The following NUTM1 variants were observed in gnomAD, a reference collection of about 807,000 sequenced individuals.
NUTM1 encodes the protein NUT midline carcinoma family member 1.
In NUTM1, 39 loss-of-function variants were observed where a neutral mutation model predicts 88.7. The ratio of observed to expected loss-of-function variants is 0.44; its 90% CI spans 0.34 to 0.57. The LOEUF (loss-of-function observed/expected upper bound fraction) is 0.57, where lower values mean the gene tolerates loss of function less well. Among genes scored for constraint, NUTM1 ranks in the 20% least tolerant of loss-of-function variants. The pLI, the probability that NUTM1 is intolerant of heterozygous loss-of-function variation, is 0.01. For missense variants in NUTM1, 1,350 were observed against 1,414.5 expected, an observed-to-expected ratio of 0.95 and a Z score of 0.73; for synonymous variants, 494 against 538.0, an observed-to-expected ratio of 0.92 and a Z score of 1.13.
chr15:34,356,765 T>C lies in NUTM1; in HGVS notation c.2757T>C (p.Phe919=), dbSNP rs939149058. The C allele has an allele frequency of 1.2e-6, 2 of 1,612,336 alleles. No homozygotes were observed. The highest frequency in any genetic ancestry group is 2.7e-5 in the African/African-American group (2 of 74,378). ...AGGCAGGGAGCAGAGGCAATTCCTT[T>C]TCTCCTCTGTTGGAAACCATAGAAC... The part of the protein sequence containing the change: ...SQEAGSRGNS[F]SPLLETIEPV... The change falls in exon 8 of 8, where the codon TTT becomes TTC. Residue 919 remains phenylalanine (F), a synonymous_variant. Transcript: ENST00000537011.
intron 6 of NUTM1, 83 bp downstream of exon 6, chr15:34,354,815 T>C: frequency 7.3e-7 from 1 of 1,373,192 alleles, no homozygotes; most frequent in Non-Finnish European, 1.0e-6. Context: ...GTTTGTCCAA[T>C]GCAGTAGGAC....
chr15:34,355,909 C>G lies in NUTM1; in HGVS notation c.1901C>G (p.Pro634Arg), dbSNP rs1466299143. The change falls in exon 8 of 8, where the codon CCT (proline) becomes CGT (arginine). Residue 634 changes from proline (P) to arginine (R), a missense_variant. Pro to Arg is a moderately radical substitution (Grantham distance 103). Coordinates refer to ENST00000537011, the MANE Select transcript of NUTM1 (RefSeq NM_001284292.2). This position sits in a 1 kb window ranked among gnomAD's most constrained non-coding sequence, Gnocchi z 4.3. ...GATGGCCATCTAGGAGGCGCTGGGC[C>G]TCCTGGGCACTGCCTGGTGGCTGAT... is the stretch of plus-strand genomic sequence containing the variant. ...HQDGHLGGAGPPGHCLVADRT... is the reference protein window; with the variant it reads ...HQDGHLGGAGRPGHCLVADRT... The G allele has an allele frequency of 4.3e-6, 7 of 1,613,952 alleles. No individual in the cohort carries two copies. Among genetic ancestry groups the G allele is most frequent in the South Asian group, 1.1e-5 (1 of 91,084 alleles).
At chr15:34,354,078 A>G (rs1890755925) in intron 5 of NUTM1, among the ~76,000 whole-genome samples, 1 of 152,064 alleles carries the variant, frequency 6.6e-6, no homozygotes, top group African/African-American at 2.4e-5. Flanking sequence ...ATCTTGGTGA[A>G]GTAAACTGAC....
chr15:34,356,625 G>C lies in NUTM1; in HGVS notation c.2617G>C (p.Glu873Gln). Residue 873 changes from glutamate (E) to glutamine (Q), a missense_variant, in exon 8 of 8, where the codon GAA (glutamate) becomes CAA (glutamine). By Grantham distance (29) the Glu-to-Gln change is conservative. Around this residue, in one of 5 missense-constraint regions of NUTM1, gnomAD observed 730 missense variants for 728.8 expected, o/e 1.00. Transcript: ENST00000537011. ...GGCAGAAGGTTGCTTCCCATTGCTA[G>C]AAAGTGGTGATTCCACACTGGGGTC... ...LWAEGCFPLL[E>Q]SGDSTLGSSK... 2 of 1,613,966 alleles carry C rather than the reference G, an allele frequency of 1.2e-6. No individual in the cohort carries two copies. Among genetic ancestry groups the C allele is most frequent in the Non-Finnish European group, 1.7e-6 (2 of 1,179,992 alleles).
intron 4 of NUTM1, among the ~76,000 whole-genome samples, chr15:34,351,391 A>AAAAAG (rs1042647232): frequency 1.3e-5 from 2 of 151,452 alleles, no homozygotes; most frequent in Non-Finnish European, 2.9e-5. Flanking sequence ...CAAAAAAAAA[A>AAAAAG]AAAAGAAAAG....
intron 2 of NUTM1, 137 bp from the exon 3 acceptor site, chr15:34,347,832 G>A (rs201606656): frequency 3.7e-5 from 18 of 487,670 alleles, no homozygotes; most frequent in Non-Finnish European, 5.8e-5. Flanking sequence ...CAGCCTGGGC[G>A]ACAGAGCGAG....
chr15:34,351,245 A>G (rs1174079825), intron 4 of NUTM1, among the ~76,000 whole-genome samples: 2 of 142,700 alleles, frequency 1.4e-5, no homozygotes, highest in Admixed American at 6.9e-5. Context: ...AAAAAAAAAA[A>G]AAAAAAAAAA....
rs984112727 is a variant in NUTM1, at chr15:34,356,690, C to T, written c.2682C>T (p.Leu894=). 13 of 1,613,620 alleles carry T rather than the reference C, an allele frequency of 8.1e-6. No individual in the cohort carries two copies. Among genetic ancestry groups the T allele is most frequent in the African/African-American group, 1.3e-5 (1 of 74,734 alleles). The change falls in exon 8 of 8, where the codon CTC becomes CTT. Residue 894 remains leucine (L), a synonymous_variant. Coordinates refer to ENST00000537011, the MANE Select transcript of NUTM1 (RefSeq NM_001284292.2). ...TTCCACCCACATGCCAAGGCAATCT[C>T]CTTATCATGGGGACTGAGGATGCCT... ...ETLPPTCQGN[L]LIMGTEDASS...
rs756283905 is a variant in NUTM1, at chr15:34,356,519, G to A, written c.2511G>A (p.Leu837=). 6.2e-7 allele frequency: 1 copy of A among 1,613,984 alleles called. No homozygotes were observed. Among genetic ancestry groups the A allele is most frequent in the Non-Finnish European group, 8.5e-7 (1 of 1,179,966 alleles). ...ACTATTGCAGCTTGCCAGGACCTTT[G>A]AGGGCCAACAGCCCACCCTTGAGGT... ...KRNYCSLPGP[L]RANSPPLRSK... is the part of the protein sequence containing the mutation. The change falls in exon 8 of 8, where the codon TTG becomes TTA. Residue 837 remains leucine (L), a synonymous_variant. Transcript: ENST00000537011.
chr15:34,353,115 G>A (rs958835539), intron 4 of NUTM1, among the ~76,000 whole-genome samples: 2 of 151,754 alleles, frequency 1.3e-5, no homozygotes, highest in Admixed American at 6.6e-5. Flanking sequence ...TCGAACTCCT[G>A]ACCTCATGAT....
chr15:34,350,691 A>C lies in NUTM1; in HGVS notation c.810-13A>C. On this transcript the variant is annotated splice_polypyrimidine_tract_variant and intron_variant, in intron 3 of 7. Coordinates refer to ENST00000537011, the MANE Select transcript of NUTM1 (RefSeq NM_001284292.2). ...ACACTTTTAGAATGTGACTGACTCA[A>C]TGGGGGTTTTAGCCCAGTGCTTCGT... is the stretch of plus-strand genomic sequence containing the variant. 2 of 1,609,778 alleles carry C rather than the reference A, an allele frequency of 1.2e-6. No individual in the cohort carries two copies. The highest frequency in any genetic ancestry group is 1.7e-6 in the Non-Finnish European group (2 of 1,178,990).
rs1048786373 is a variant in NUTM1, at chr15:34,344,739, C to T, written c.6+1037C>T. The stretch of plus-strand genomic sequence containing the variant: ...TACCTGTTAAAAATTTTTTAAAGGC[C>T]GGGCACGGTGGCTCACGCCTAGTAA... On this transcript the variant is annotated intron_variant, in intron 1 of 7. Transcript: ENST00000537011. Among the ~76,000 whole-genome samples the T allele has an allele frequency of 4.0e-5, 6 of 151,760 alleles. No homozygotes were observed. The East Asian group carries it at 1.2e-3, about 29-fold the overall frequency.
chr15:34,344,286 G>A (rs1235205269), intron 1 of NUTM1, among the ~76,000 whole-genome samples: 1 of 151,324 alleles, frequency 6.6e-6, no homozygotes, highest in Non-Finnish European at 1.5e-5. Context: ...GCTGAGACGG[G>A]TGGATCACAA....
chr15:34,353,833 C>T lies in NUTM1; in HGVS notation c.1036C>T (p.Pro346Ser), dbSNP rs754317508. ...LSPATPLKLD[P>S]LGPLASEVCQ... ...TCCTGCAACCCCTTTGAAACTTGATCCTCTAGGGCCCCTGGCCTCTGAGGT... is the reference window on the plus strand; with the variant it reads ...TCCTGCAACCCCTTTGAAACTTGATTCTCTAGGGCCCCTGGCCTCTGAGGT... Residue 346 changes from proline (P) to serine (S), a missense_variant, in exon 5 of 8, where the codon CCT (proline) becomes TCT (serine). Coordinates refer to ENST00000537011, the MANE Select transcript of NUTM1 (RefSeq NM_001284292.2). 6.2e-7 allele frequency: 1 copy of T among 1,613,946 alleles called. No individual in the cohort carries two copies. Among genetic ancestry groups the T allele is most frequent in the Admixed American group, 1.7e-5 (1 of 60,020 alleles).
At position 34,350,788 on chromosome 15, in the gene NUTM1, C is replaced by T. The variant is rs1002340596; in HGVS notation, c.894C>T (p.His298=). 3.1e-6 allele frequency: 5 copies of T among 1,613,958 alleles called. No individual in the cohort carries two copies. Among genetic ancestry groups the T allele is most frequent in the Non-Finnish European group, 4.2e-6 (5 of 1,179,996 alleles). Residue 298 remains histidine, a synonymous_variant, in exon 4 of 8, where the codon CAC becomes CAT. Transcript: ENST00000537011. The part of the protein sequence containing the change: ...GLPLAVQEWE[H]TSNFDRMIFY... ...CATTGGCTGTGCAGGAGTGGGAGCA[C>T]ACCAGCAACTTTGACCGGATGATCT...
rs1464530461 is a variant in NUTM1 at position 34,357,700 on chromosome 15, GA to G, written c.*217del. On this transcript the variant is annotated 3_prime_UTR_variant, in exon 8 of 8. Coordinates refer to ENST00000537011, the MANE Select transcript of NUTM1 (RefSeq NM_001284292.2). ...AATTACCTTTGGAAGGAGCTATATA[GA>G]AAAAAAATGAATAAAGTGTTTTGTT... 3.8e-5 allele frequency: 32 copies of G among 850,150 alleles called. No individual in the cohort carries two copies. Among genetic ancestry groups the G allele is most frequent in the Middle Eastern group, 4.6e-4 (2 of 4,320 alleles). 52.7% of individuals were successfully genotyped at this position (850,150 alleles called of 1,614,324 possible). A position where few individuals can be genotyped will look rare whatever the true frequency, so the allele number is the denominator to read the frequency against.
rs765632741 is a variant in NUTM1 at position 34,348,342 on chromosome 15, A to G, written c.474A>G (p.Ala158=). The G allele has an allele frequency of 6.2e-7, 1 of 1,614,136 alleles. No individual in the cohort carries two copies. The highest frequency in any genetic ancestry group is 8.5e-7 in the Non-Finnish European group (1 of 1,180,038). Reference sequence around the variant, plus strand: ...CCTGTGGAGGCCTTGAGGGTCCTGCACCTCCATTTGTGACAGCATCTAATG... The same window carrying G: ...CCTGTGGAGGCCTTGAGGGTCCTGCGCCTCCATTTGTGACAGCATCTAATG... ...GTPCGGLEGP[A]PPFVTASNVK... The change falls in exon 3 of 8, where the codon GCA becomes GCG. Residue 158 remains alanine (A), a synonymous_variant. Coordinates refer to ENST00000537011, the MANE Select transcript of NUTM1 (RefSeq NM_001284292.2).
Position 34,357,077 on chromosome 15 carries a change from G to T in NUTM1, c.3069G>T (p.Arg1023Ser), listed in dbSNP as rs1329147858. 2 of 1,614,066 alleles carry T rather than the reference G, an allele frequency of 1.2e-6. No homozygotes were observed. Among genetic ancestry groups the T allele is most frequent in the East Asian group, 4.5e-5 (2 of 44,888 alleles). Residue 1023 changes from arginine to serine, a missense_variant, in exon 8 of 8, where the codon AGG (arginine) becomes AGT (serine). Transcript: ENST00000537011. ...PRETSVSKTH[R>S]SADRAKGKEK... Reference sequence around the variant, plus strand: ...AAACTTCTGTTAGTAAAACACACAGGTCAGCAGACAGGGCCAAAGGAAAGG... The same window carrying T: ...AAACTTCTGTTAGTAAAACACACAGTTCAGCAGACAGGGCCAAAGGAAAGG...
rs1214723873 is a variant in NUTM1, at chr15:34,356,177, C to A, written c.2169C>A (p.Thr723=). Residue 723 remains threonine, a synonymous_variant, in exon 8 of 8, where the codon ACC becomes ACA. Coordinates refer to ENST00000537011, the MANE Select transcript of NUTM1 (RefSeq NM_001284292.2). ...CCATGTGGGGAGATGACAGAGGTACCCCCATGGCTCAGAGTTATGATCAGA... is the reference window on the plus strand; with the variant it reads ...CCATGTGGGGAGATGACAGAGGTACACCCATGGCTCAGAGTTATGATCAGA... ...SGAMWGDDRG[T]PMAQSYDQNP... 3.7e-6 allele frequency: 6 copies of A among 1,610,546 alleles called. No individual in the cohort carries two copies. The highest frequency in any genetic ancestry group is 1.1e-5 in the South Asian group (1 of 90,924).
Sources: gnomAD v4.1 joint callset for allele counts (sites outside exome capture counted in the v4.1 genomes callset) on GRCh38, gnomAD v4.1.1 for gene constraint, gnomAD v4.1.1 regional missense constraint, Gnocchi (gnomAD v3.1) non-coding constraint, MANE v1.5 for transcripts, NCBI Gene and HGNC (gene_info 2026-07-23, HGNC 2026-07-21) for gene names.